Variants in CASD1 observed in about 807,000 individuals in gnomAD.
The protein encoded by CASD1 is N-acetylneuraminate (7)9-O-acetyltransferase.
A neutral mutation model predicts 100.0 loss-of-function variants in CASD1; 41 were observed. The observed-to-expected ratio is 0.41, with a 90% CI of 0.32 to 0.53. The LOEUF (loss-of-function observed/expected upper bound fraction) is 0.53. CASD1 is among the 20% of genes least tolerant of loss of function. CASD1 has a pLI of 0.25. For synonymous variants in CASD1, 321 were observed against 315.6 expected, an observed-to-expected ratio of 1.02 and a Z score of -0.18; for missense variants, 774 against 948.7, an observed-to-expected ratio of 0.82 and a Z score of 2.42.
At chr7:94,586,855 A>T in the CASD1 span, 1 of 985,186 alleles carries the variant, frequency 1.0e-6, no homozygotes, top group Non-Finnish European at 1.2e-6. Flanking sequence ...TTGCATAATT[A>T]TAAAAAAAAA....
the CASD1 span, chr7:94,623,883 CTT>C: frequency 2.8e-6 from 1 of 356,816 alleles, no homozygotes. Flanking sequence ...ATAAATAACC[CTT>C]TGGAAATCAT....
At chr7:94,574,153 A>G in the CASD1 span, among the ~76,000 whole-genome samples, 1 of 152,188 alleles carries the variant, frequency 6.6e-6, no homozygotes, top group Non-Finnish European at 1.5e-5. Flanking sequence ...GGATTTTTGC[A>G]TCAATATTCA....
At chr7:94,561,029 T>G (rs1796330272), downstream of CASD1, among the ~76,000 whole-genome samples, 1 of 152,112 alleles carries the variant, frequency 6.6e-6, no homozygotes, top group Non-Finnish European at 1.5e-5. Context: ...TGATGAGAAT[T>G]TAATGTCCTG....
the CASD1 span, among the ~76,000 whole-genome samples, chr7:94,574,123 G>T: frequency 1.3e-5 from 2 of 152,170 alleles, no homozygotes; most frequent in African/African-American, 2.4e-5. Flanking sequence ...GCTGGATTCA[G>T]TTTGCAAGTA....
chr7:94,612,868 G>C, the CASD1 span, among the ~76,000 whole-genome samples: 1 of 151,854 alleles, frequency 6.6e-6, no homozygotes, highest in South Asian at 2.1e-4. Context: ...CCATCTCTTT[G>C]ACTCCTCTCC....
chr7:94,606,260 T>C, the CASD1 span, among the ~76,000 whole-genome samples: 1 of 152,182 alleles, frequency 6.6e-6, no homozygotes, highest in South Asian at 2.1e-4. Context: ...AAGACACATA[T>C]ACATTAAAAG....
chr7:94,543,505 G>GT (rs1795521293), intron 10 of CASD1, among the ~76,000 whole-genome samples: 1 of 151,912 alleles, frequency 6.6e-6, no homozygotes, highest in Admixed American at 6.6e-5. Context: ...AATACAAAAA[G>GT]TTAGCTGGAT....
intron 14 of CASD1, among the ~76,000 whole-genome samples, chr7:94,550,085 A>G (rs1024840735): frequency 1.7e-4 from 26 of 152,096 alleles, no homozygotes; most frequent in African/African-American, 5.5e-4. Context: ...GCTACTAACT[A>G]TGCAATATAG....
At chr7:94,583,412 G>C in the CASD1 span, among the ~76,000 whole-genome samples, 5 of 152,238 alleles carry the variant, frequency 3.3e-5, no homozygotes, top group South Asian at 2.1e-4. Context: ...ACACAAGCTT[G>C]GTGGGAGAAG....
chr7:94,629,930 G>T, the CASD1 span: 1 of 1,456,404 alleles, frequency 6.9e-7, no homozygotes, highest in Non-Finnish European at 9.5e-7. Flanking sequence ...ATAAAGAGGG[G>T]TCTCACTATG....
chr7:94,601,203 T>C, the CASD1 span, among the ~76,000 whole-genome samples: 1 of 152,038 alleles, frequency 6.6e-6, no homozygotes, highest in Admixed American at 6.6e-5. Flanking sequence ...TGTAAATGTC[T>C]TATTTCCTAG....
chr7:94,555,679 T>G lies in CASD1; in HGVS notation c.2315T>G (p.Leu772Trp). 6.2e-7 allele frequency: 1 copy of G among 1,613,398 alleles called. No homozygotes were observed. The change falls in exon 18 of 18, where the codon TTG becomes TGG. Residue 772 changes from leucine (L) to tryptophan (W), a missense_variant. This residue lies in a region of CASD1 where 175 missense variants were observed against 206.9 expected (regional missense o/e 0.85). Transcript: ENST00000297273. ...ATTCCTAAAGATAACTCATCTCTCT[T>G]GAAAAGGTTGGCATGTATAGCTGCA... The part of the protein sequence containing the change: ...IIIPKDNSSL[L>W]KRLACIAAFF...
At chr7:94,631,047 A>G in the CASD1 span, among the ~76,000 whole-genome samples, 1 of 152,002 alleles carries the variant, frequency 6.6e-6, no homozygotes. Context: ...CAGATTTACT[A>G]CTAAAAACAT....
At chr7:94,526,239 G>A (rs1794558704) in intron 3 of CASD1, among the ~76,000 whole-genome samples, 1 of 152,190 alleles carries the variant, frequency 6.6e-6, no homozygotes, top group African/African-American at 2.4e-5. Context: ...CTGGCAACAG[G>A]CTTTGCTCCA....
chr7:94,551,315 A>G (rs1477199931), intron 14 of CASD1, 23 bp from the exon 15 acceptor site: 2 of 1,520,206 alleles, frequency 1.3e-6, no homozygotes, highest in African/African-American at 1.5e-5. Context: ...GTTTAAAACA[A>G]ATTTTCTCTC....
chr7:94,553,626 CT>C (rs975189488), intron 16 of CASD1, among the ~76,000 whole-genome samples: 9 of 151,972 alleles, frequency 5.9e-5, no homozygotes, highest in Non-Finnish European at 8.8e-5. Context: ...GTGGAGATAA[CT>C]TTTTTTCTTT....
chr7:94,510,684 C>T (rs1206051790), intron 1 of CASD1, among the ~76,000 whole-genome samples: 1 of 152,242 alleles, frequency 6.6e-6, no homozygotes, highest in Admixed American at 6.5e-5. Context: ...GGTCCGGCTC[C>T]TTAGCCTTTG....
chr7:94,512,510 A>C (rs1215500700), intron 1 of CASD1, among the ~76,000 whole-genome samples: 1 of 152,248 alleles, frequency 6.6e-6, no homozygotes, highest in African/African-American at 2.4e-5. Context: ...CTTGCTTTAC[A>C]AACTACCGAA....
Position 94,535,437 on chromosome 7 carries a change from A to G in CASD1, c.757A>G (p.Met253Val). 2 of 1,613,602 alleles carry G rather than the reference A, an allele frequency of 1.2e-6. No homozygotes were observed. Among genetic ancestry groups the G allele is most frequent in the Non-Finnish European group, 1.7e-6 (2 of 1,179,668 alleles). ...CAGAAATTCTAAATCAAATGTTAAG[A>G]TGTTCAGTGTTTCCAAATTAATTGC... ...STRNSKSNVK[M>V]FSVSKLIAQE... The change falls in exon 8 of 18, where the codon ATG (methionine) becomes GTG (valine). Residue 253 changes from methionine (M) to valine (V), a missense_variant. Physicochemically the swap from Met to Val is conservative, Grantham distance 21. Around this residue, in one of 5 missense-constraint regions of CASD1, gnomAD observed 453 missense variants for 532.6 expected, o/e 0.85. Transcript: ENST00000297273.
Sources: allele counts gnomAD v4.1 joint callset (sites outside exome capture counted in the v4.1 genomes callset), GRCh38; gene constraint gnomAD v4.1.1; regional missense constraint gnomAD v4.1.1; transcripts MANE v1.5; gene names NCBI Gene and HGNC (gene_info 2026-07-23, HGNC 2026-07-21).